The following CYP39A1 variants were observed in gnomAD, a reference collection of about 807,000 sequenced individuals.
CYP39A1 encodes cytochrome P450 family 39 subfamily A member 1.
In CYP39A1, 49 loss-of-function variants were observed where a neutral mutation model predicts 58.1. That is an observed-to-expected ratio of 0.84 (90% CI 0.67 to 1.07). The LOEUF is 1.07. Ranked by LOEUF, CYP39A1 falls within the 50% of genes least tolerant of loss-of-function variation. The probability of loss-of-function intolerance (pLI) is 0.00; values close to 1 mark genes in which losing one functional copy is unlikely to be tolerated. For synonymous variants in CYP39A1, 209 were observed against 187.6 expected (o/e 1.11, Z -0.93); for missense variants, 531 against 539.4 (o/e 0.98, Z 0.16).
intron 11 of CYP39A1, among the ~76,000 whole-genome samples, chr6:46,551,856 A>T (rs1770414906): frequency 6.6e-6 from 1 of 152,146 alleles, no homozygotes; most frequent in Non-Finnish European, 1.5e-5. Flanking sequence ...TATTGAAACA[A>T]GTTCAATAGT....
At chr6:46,559,852 T>C (rs1338287948) in intron 10 of CYP39A1, among the ~76,000 whole-genome samples, 3 of 152,184 alleles carry the variant, frequency 2.0e-5, no homozygotes, top group Non-Finnish European at 1.5e-5. Flanking sequence ...AACAATAAAA[T>C]AAGACCCCCA....
intron 4 of CYP39A1, among the ~76,000 whole-genome samples, chr6:46,637,175 T>C (rs73471131): frequency 0.029 from 4,443 of 151,920 alleles, 198 homozygotes; most frequent in African/African-American, 0.098. Context: ...GCCCGCTCAT[T>C]TCAGACCCCC....
chr6:46,577,313 G>A (rs572200797), intron 10 of CYP39A1, among the ~76,000 whole-genome samples: 5 of 152,102 alleles, frequency 3.3e-5, no homozygotes, highest in African/African-American at 1.2e-4. Context: ...ATTATCTGCC[G>A]CCACAAAAAC....
rs1562030422 is a variant in CYP39A1, at chr6:46,652,768, T to G, written c.-186A>C. On this transcript the variant is annotated 5_prime_UTR_variant, in exon 1 of 12. Transcript: ENST00000275016. ...TTTCAGGTGATTTTTCCATTGTCGC[T>G]CCCTCCCACCTCCACTTCTCTTTGA... is the stretch of plus-strand genomic sequence containing the variant. 3 of 529,768 alleles carry G rather than the reference T, an allele frequency of 5.7e-6. No individual in the cohort carries two copies. Among genetic ancestry groups the G allele is most frequent in the Non-Finnish European group, 9.7e-6 (3 of 310,594 alleles). 32.8% of individuals were successfully genotyped at this position (529,768 alleles called of 1,614,324 possible).
chr6:46,581,271 C>T (rs540453538), intron 10 of CYP39A1, among the ~76,000 whole-genome samples: 2 of 152,048 alleles, frequency 1.3e-5, no homozygotes, highest in South Asian at 4.2e-4. Flanking sequence ...ATTAGCTGGG[C>T]ACTATGGCAT....
intron 5 of CYP39A1, among the ~76,000 whole-genome samples, chr6:46,635,797 A>T (rs561083260): frequency 6.6e-6 from 1 of 152,222 alleles, no homozygotes; most frequent in African/African-American, 2.4e-5. Context: ...TCCTGGGCTT[A>T]AGCAATTCTC....
chr6:46,555,493 T>G (rs1021635006), intron 10 of CYP39A1, among the ~76,000 whole-genome samples: 7 of 151,830 alleles, frequency 4.6e-5, no homozygotes, highest in African/African-American at 1.7e-4. Flanking sequence ...TGATGGAAAG[T>G]GATGCCTTCC....
At chr6:46,585,550 T>C (rs1178169652) in intron 10 of CYP39A1, among the ~76,000 whole-genome samples, 1 of 152,112 alleles carries the variant, frequency 6.6e-6, no homozygotes, top group Non-Finnish European at 1.5e-5. Context: ...TGATGGGTTT[T>C]TGTTGCTAAT....
intron 7 of CYP39A1, among the ~76,000 whole-genome samples, chr6:46,616,259 T>TTCCTTCCTTCCTTC (rs1561994544): frequency 1.2e-4 from 8 of 68,076 alleles, no homozygotes; most frequent in South Asian, 6.6e-4. Flanking sequence ...TTCCTTCCTT[T>TTCCTTCCTTCCTTC]CTTCCTTCCT....
At chr6:46,585,106 T>C (rs770148824) in intron 10 of CYP39A1, among the ~76,000 whole-genome samples, 57 of 152,236 alleles carry the variant, frequency 3.7e-4, no homozygotes, top group Admixed American at 3.9e-4. Flanking sequence ...TTCCCTTTAT[T>C]ATACCAATTA....
In CYP39A1 at chr6:46,636,711, G is replaced by A. The variant is rs561741803; in HGVS notation, c.639-229C>T. 1.7e-4 allele frequency among the ~76,000 whole-genome samples: 26 copies of A among 152,308 alleles called. No homozygotes were observed. In the South Asian group the frequency reaches 5.2e-3, roughly 30 times the overall value. On this transcript the variant is annotated intron_variant, in intron 4 of 11. Transcript: ENST00000275016. ...TGTCTTTTGTAAATAAAACTTTGGA[G>A]TCCTACTGGATTGGCACTGAATAAG...
At chr6:46,562,071 G>A (rs1373371980) in intron 10 of CYP39A1, among the ~76,000 whole-genome samples, 3 of 152,128 alleles carry the variant, frequency 2.0e-5, no homozygotes, top group Non-Finnish European at 4.4e-5. Context: ...TGCCCAAGCT[G>A]GAGTGCAGTG....
At chr6:46,591,336 T>C (rs1772820616) in intron 8 of CYP39A1, among the ~76,000 whole-genome samples, 1 of 152,084 alleles carries the variant, frequency 6.6e-6, no homozygotes, top group African/African-American at 2.4e-5. Context: ...TTATTTATAG[T>C]TGTGTTGTAT....
intron 1 of CYP39A1, among the ~76,000 whole-genome samples, chr6:46,645,968 A>G (rs1018801258): frequency 1.6e-4 from 25 of 152,272 alleles, no homozygotes; most frequent in African/African-American, 5.8e-4. Flanking sequence ...GTATGTAACC[A>G]AACAATTGAT....
chr6:46,552,611 A>G (rs536687977), intron 11 of CYP39A1, among the ~76,000 whole-genome samples: 1 of 152,274 alleles, frequency 6.6e-6, no homozygotes, highest in South Asian at 2.1e-4. Flanking sequence ...TGAGATTGCA[A>G]TCCTTAATTT....
intron 5 of CYP39A1, among the ~76,000 whole-genome samples, chr6:46,634,003 G>A (rs1402022635): frequency 1.3e-5 from 2 of 152,176 alleles, no homozygotes; most frequent in African/African-American, 4.8e-5. Context: ...CTCTCCTAAA[G>A]TTTTAAACAC....
chr6:46,638,056 T>C, intron 3 of CYP39A1, 78 bp from the exon 4 acceptor site: 1 of 1,414,320 alleles, frequency 7.1e-7, no homozygotes, highest in Non-Finnish European at 9.5e-7. Context: ...CAAGGCATTA[T>C]TTCATAGCAA....
intron 7 of CYP39A1, among the ~76,000 whole-genome samples, chr6:46,624,142 T>C (rs1338173343): frequency 2.0e-5 from 3 of 152,200 alleles, no homozygotes; most frequent in Non-Finnish European, 4.4e-5. Flanking sequence ...TTGTGGCCTT[T>C]GGGTCAGAGA....
intron 10 of CYP39A1, among the ~76,000 whole-genome samples, chr6:46,566,266 C>T (rs144422405): frequency 6.6e-6 from 1 of 152,254 alleles, no homozygotes; most frequent in African/African-American, 2.4e-5. Flanking sequence ...TCTTTTTAAA[C>T]ATTCTGTATT....
Sources: allele counts gnomAD v4.1 joint callset (sites outside exome capture counted in the v4.1 genomes callset), GRCh38; gene constraint gnomAD v4.1.1; transcripts MANE v1.5; gene names NCBI Gene and HGNC (gene_info 2026-07-23, HGNC 2026-07-21).